Variants in EIF3M observed in about 807,000 individuals in gnomAD.
The protein encoded by EIF3M is B5 receptor.
A neutral mutation model predicts 49.7 loss-of-function variants in EIF3M; 25 were observed. That is an observed-to-expected ratio of 0.50 (90% CI 0.37 to 0.70). The LOEUF (loss-of-function observed/expected upper bound fraction) is 0.70. Among genes scored for constraint, EIF3M ranks in the 30% least tolerant of loss-of-function variants. The pLI, the probability that EIF3M is intolerant of heterozygous loss-of-function variation, is 0.00. For synonymous variants in EIF3M, 156 were observed against 149.8 expected, an observed-to-expected ratio of 1.04 and a Z score of -0.30; for missense variants, 350 against 440.0, an observed-to-expected ratio of 0.80 and a Z score of 1.83.
Position 32,589,589 on chromosome 11 carries a change from A to G in EIF3M, c.481A>G (p.Lys161Glu). The change falls in exon 5 of 11, where the codon AAG (lysine) becomes GAG (glutamate). Residue 161 changes from lysine (K) to glutamate (E), a missense_variant. Coordinates refer to ENST00000531120, the MANE Select transcript of EIF3M (RefSeq NM_006360.6). ...TGACTGGAATCTCACCACTGAAAAAAAGCACACCCTTTTAAGACTACTTTA... is the reference window on the plus strand; with the variant it reads ...TGACTGGAATCTCACCACTGAAAAAGAGCACACCCTTTTAAGACTACTTTA... The part of the protein sequence containing the change: ...ISDWNLTTEK[K>E]HTLLRLLYEA... The G allele has an allele frequency of 6.2e-7, 1 of 1,614,186 alleles. No individual in the cohort carries two copies. The highest frequency in any genetic ancestry group is 1.3e-5 in the African/African-American group (1 of 75,066).
In EIF3M at chr11:32,601,534, C is replaced by T. The variant is rs77712466; in HGVS notation, c.944-228C>T. On this transcript the variant is annotated intron_variant, in intron 9 of 10. Transcript: ENST00000531120. ...AAAAAAAAAAAAAAACAGCAAAAAA[C>T]TGTATGCAGTATTTATTTAATATAG... The T allele has an allele frequency of 4.3e-3, 1,072 of 251,908 alleles. 12 individuals are homozygous for T. Among genetic ancestry groups the T allele is most frequent in the African/African-American group, 0.023 (1,004 of 43,628 alleles). The allele number at this position is 251,908 out of a possible 1,614,324, so 15.6% of individuals were successfully genotyped here.
chr11:32,584,022 G>C (rs1275895563), intron 1 of EIF3M, 93 bp downstream of exon 1: 3 of 1,514,016 alleles, frequency 2.0e-6, no homozygotes, highest in Non-Finnish European at 2.7e-6. Context: ...GGCGGCCGGG[G>C]CTGACACCCG....
In EIF3M at chr11:32,588,998, T is replaced by G; in HGVS notation, c.315-14T>G. 1 of 1,611,808 alleles carries G rather than the reference T, an allele frequency of 6.2e-7. No homozygotes were observed. Among genetic ancestry groups the G allele is most frequent in the Non-Finnish European group, 8.5e-7 (1 of 1,179,554 alleles). On this transcript the variant is annotated splice_polypyrimidine_tract_variant and intron_variant, in intron 3 of 10. Transcript: ENST00000531120. The stretch of plus-strand genomic sequence containing the variant: ...TGATTTCAAACATTGTTTATTTGTT[T>G]GTTAACCAACCAGGTTAAGCAACCT...
chr11:32,589,483 GTACTTTTATATGTTA>G, intron 4 of EIF3M, 49 bp from the exon 5 acceptor site: 1 of 1,503,024 alleles, frequency 6.7e-7, no homozygotes, highest in Non-Finnish European at 9.2e-7. Flanking sequence ...AGCCAGAAAT[GTACTTTTATATGTTA>G]TACTTTATAT....
chr11:32,595,837 T>C, intron 7 of EIF3M, 129 bp from the exon 8 acceptor site: 1 of 661,852 alleles, frequency 1.5e-6, no homozygotes, highest in African/African-American at 1.9e-5. Context: ...TGAAACAGAA[T>C]GATATTTCTG....
intron 4 of EIF3M, 21 bp from the exon 5 acceptor site, chr11:32,589,526 C>T: frequency 6.2e-7 from 1 of 1,601,708 alleles, no homozygotes; most frequent in Non-Finnish European, 8.5e-7. Flanking sequence ...TCAGTTTTCT[C>T]CTTTTGTCAA....
In EIF3M at chr11:32,593,877, CA is replaced by C; in HGVS notation, c.549del (p.Val184SerfsTer29). The stretch of plus-strand genomic sequence containing the variant: ...ATATTTCTTTTTAGTGATGCTGCTT[CA>C]AAAGTCATGGTGGAATTGCTCGGAA... ...LVDCKKSDAASKVMVELLGSY... is the reference protein window; with the variant it reads ...LVDCKKSDAAXKVMVELLGSY... On this transcript the variant is annotated frameshift_variant, in exon 6 of 11. Transcript: ENST00000531120. LOFTEE classifies it high-confidence loss of function. 1.3e-6 allele frequency: 2 copies of C among 1,570,256 alleles called. No homozygotes were observed. The highest frequency in any genetic ancestry group is 1.7e-4 in the Middle Eastern group (1 of 5,936).
chr11:32,601,235 CATT>C (rs2133204731), intron 9 of EIF3M: 1 of 156,226 alleles, frequency 6.4e-6, no homozygotes, highest in African/African-American at 2.4e-5. Context: ...AAGTGTTAAC[CATT>C]ACCAGTTTTT....
At chr11:32,591,510 A>G (rs1022890651) in intron 5 of EIF3M, among the ~76,000 whole-genome samples, 13 of 152,238 alleles carry the variant, frequency 8.5e-5, no homozygotes, top group African/African-American at 3.1e-4. Flanking sequence ...GCAAAGGTAC[A>G]ACAGATAAAA....
chr11:32,592,414 C>A, intron 5 of EIF3M: 1 of 548,128 alleles, frequency 1.8e-6, no homozygotes, highest in South Asian at 1.4e-5. Flanking sequence ...AGTAGTCTCT[C>A]AAATTATGTT....
rs1855349536 is a variant in EIF3M, at chr11:32,606,209, T to TTAA, written c.*3810_*3811insTAA. The stretch of plus-strand genomic sequence containing the variant: ...ATACCTTCCCTGAATTTAACAGAAT[T>TTAA]GATGTGGACTGTACATAAAATATGT... On this transcript the variant is annotated 3_prime_UTR_variant, in exon 11 of 11. Transcript: ENST00000531120. The TTAA allele has an allele frequency of 1.3e-5, 2 of 152,208 alleles. No homozygotes were observed. Among genetic ancestry groups the TTAA allele is most frequent in the South Asian group, 4.1e-4 (2 of 4,832 alleles). The allele number at this position is 152,208 out of a possible 1,614,324, so 9.4% of individuals were successfully genotyped here. A position where few individuals can be genotyped will look rare whatever the true frequency, so the allele number is the denominator to read the frequency against.
In EIF3M at chr11:32,588,594, A is replaced by G; in HGVS notation, c.176A>G (p.Asp59Gly). 1 of 1,614,024 alleles carries G rather than the reference A, an allele frequency of 6.2e-7. No homozygotes were observed. Among genetic ancestry groups the G allele is most frequent in the Non-Finnish European group, 8.5e-7 (1 of 1,179,928 alleles). ...CDVCLKEDDK[D>G]VESVMNSVVS... ...GATTGTGTTATCCATACTTGTGTAG[A>G]TGTTGAAAGTGTGATGAACAGTGTG... Residue 59 changes from aspartate (D) to glycine (G), a missense_variant and splice_region_variant, in exon 3 of 11, where the codon GAT becomes GGT. Transcript: ENST00000531120.
intron 5 of EIF3M, chr11:32,591,945 C>G: frequency 3.7e-6 from 1 of 268,984 alleles, no homozygotes; most frequent in South Asian, 4.7e-5. Context: ...ATTACCACTC[C>G]CCAAATTACC....
At position 32,583,899 on chromosome 11, in the gene EIF3M, G is replaced by A. The variant is rs754341335; in HGVS notation, c.12G>A (p.Pro4=). 1.2e-6 allele frequency: 2 copies of A among 1,613,790 alleles called. No individual in the cohort carries two copies. The highest frequency in any genetic ancestry group is 8.5e-7 in the Non-Finnish European group (1 of 1,179,838). Residue 4 remains proline, a synonymous_variant, in exon 1 of 11, where the codon CCG becomes CCA. Coordinates refer to ENST00000531120, the MANE Select transcript of EIF3M (RefSeq NM_006360.6). ...CCCGGGCCTGCACCATGAGCGTCCC[G>A]GCCTTCATCGACATCAGTGAAGAAG... MSV[P]AFIDISEEDQ... is the part of the protein sequence containing the mutation.
chr11:32,592,676 A>G (rs1206339299), intron 5 of EIF3M: 13 of 506,378 alleles, frequency 2.6e-5, no homozygotes, highest in Admixed American at 1.9e-4. Context: ...ATTTCTTAAA[A>G]TGTTCTCTAA....
intron 1 of EIF3M, among the ~76,000 whole-genome samples, chr11:32,585,216 A>T (rs1854976723): frequency 4.6e-5 from 7 of 152,230 alleles, no homozygotes; most frequent in Admixed American, 4.6e-4. Context: ...GAAGATATGA[A>T]AGACAAAAAG....
Position 32,604,743 on chromosome 11 carries a change from G to C in EIF3M, c.*2344G>C, listed in dbSNP as rs1855323452. 6.6e-6 allele frequency: 1 copy of C among 152,204 alleles called. No individual in the cohort carries two copies. The highest frequency in any genetic ancestry group is 2.1e-4 in the South Asian group (1 of 4,834). 9.4% of individuals were successfully genotyped at this position (152,204 alleles called of 1,614,324 possible). Reference sequence around the variant, plus strand: ...GATTATCATTTGTTCATAAATCTTTGTGAAGATCTTTGGGTACTGCCTTAC... The same window carrying C: ...GATTATCATTTGTTCATAAATCTTTCTGAAGATCTTTGGGTACTGCCTTAC... On this transcript the variant is annotated 3_prime_UTR_variant, in exon 11 of 11. Coordinates refer to ENST00000531120, the MANE Select transcript of EIF3M (RefSeq NM_006360.6).
intron 9 of EIF3M, chr11:32,601,150 T>A (rs2133204662): frequency 5.5e-6 from 1 of 183,346 alleles, no homozygotes; most frequent in African/African-American, 2.3e-5. Context: ...ATGTAGGGGT[T>A]CATTTGTGGT....
chr11:32,583,879 G>A lies in EIF3M; in HGVS notation c.-9G>A. The A allele has an allele frequency of 8.1e-6, 13 of 1,613,562 alleles. No individual in the cohort carries two copies. In the East Asian group the frequency reaches 2.9e-4, roughly 36 times the overall value. On this transcript the variant is annotated 5_prime_UTR_variant, in exon 1 of 11. Transcript: ENST00000531120. ...CGAGTGGAGTGTCCGCTGTGCCCGG[G>A]CCTGCACCATGAGCGTCCCGGCCTT...
Sources: gnomAD v4.1 joint callset for allele counts (sites outside exome capture counted in the v4.1 genomes callset) on GRCh38, gnomAD v4.1.1 for gene constraint, MANE v1.5 for transcripts, NCBI Gene and HGNC (gene_info 2026-07-23, HGNC 2026-07-21) for gene names.